Variants in ZNF565 observed in about 807,000 individuals in gnomAD.
ZNF565 encodes the protein zinc finger protein 565.
In ZNF565, 27 loss-of-function variants were observed where a neutral mutation model predicts 39.4. The ratio of observed to expected loss-of-function variants is 0.69; its 90% CI spans 0.51 to 0.95. The LOEUF (loss-of-function observed/expected upper bound fraction) is 0.95. Ranked by LOEUF, ZNF565 falls within the 40% of genes least tolerant of loss-of-function variation. The pLI is 0.00. For synonymous variants in ZNF565, 185 were observed against 216.6 expected (o/e 0.85, Z 1.28); for missense variants, 524 against 621.1 (o/e 0.84, Z 1.66).
In ZNF565 at chr19:36,245,836, T is replaced by C. The variant is rs2029895923; in HGVS notation, c.-306A>G. 2 of 352,064 alleles carry C rather than the reference T, an allele frequency of 5.7e-6. No homozygotes were observed. Among genetic ancestry groups the C allele is most frequent in the Non-Finnish European group, 1.0e-5 (2 of 193,384 alleles). 21.8% of individuals were successfully genotyped at this position (352,064 alleles called of 1,614,324 possible). On this transcript the variant is annotated 5_prime_UTR_variant, in exon 1 of 5. Transcript: ENST00000355114. The surrounding 1 kb of genome is among the most constrained non-coding windows in gnomAD (Gnocchi z 4.4). ...CTTCGCCCAGCTGCGGGCCTCGGGC[T>C]ACTGGATCCGCTGTCTCGGTTTGGG...
chr19:36,238,359 T>C (rs1046071204), intron 1 of ZNF565: 2 of 167,106 alleles, frequency 1.2e-5, no homozygotes, highest in African/African-American at 2.4e-5. Context: ...GACCAAACTC[T>C]TGATAGTGGT....
At chr19:36,233,916 G>GGTGTCGGACTGGGGGAC (rs376607392) in intron 1 of ZNF565, among the ~76,000 whole-genome samples, 4,174 of 152,130 alleles carry the variant, frequency 0.027, 162 homozygotes, top group African/African-American at 0.094. Context: ...ACCCTTTACG[G>GGTGTCGGACTGGGGGAC]GTGTCGGACT....
Position 36,194,798 on chromosome 19 carries a change from G to A in ZNF565, c.136+232C>T, listed in dbSNP as rs572692831. 3.3e-5 allele frequency: 21 copies of A among 638,676 alleles called. No individual in the cohort carries two copies. In the African/African-American group the frequency reaches 3.4e-4, roughly 10 times the overall value. The allele number at this position is 638,676 out of a possible 1,614,324, so 39.6% of individuals were successfully genotyped here. On this transcript the variant is annotated intron_variant, in intron 3 of 4. Transcript: ENST00000304116. The stretch of plus-strand genomic sequence containing the variant: ...TCAGCTGGAGATCAGTGGACAGGAG[G>A]AGAGAGAGCACCAGGCATTTCTTAC...
intron 4 of ZNF565, among the ~76,000 whole-genome samples, chr19:36,189,591 G>A (rs1292656538): frequency 6.6e-6 from 1 of 151,758 alleles, no homozygotes; most frequent in African/African-American, 2.4e-5. Context: ...CAAAGTGCTG[G>A]GATTACAGGC....
intron 1 of ZNF565, among the ~76,000 whole-genome samples, chr19:36,211,488 A>ACAC (rs1568423884): frequency 7.2e-4 from 80 of 111,840 alleles, no homozygotes; most frequent in African/African-American, 2.5e-3. Context: ...CACACACACA[A>ACAC]TTCTAATTAA....
chr19:36,198,473 G>A (rs1213949054), intron 2 of ZNF565, among the ~76,000 whole-genome samples: 1 of 152,122 alleles, frequency 6.6e-6, no homozygotes, highest in Non-Finnish European at 1.5e-5. Flanking sequence ...GATGATTACT[G>A]AAGGCTGGGA....
At chr19:36,223,819 T>G (rs115988914) in intron 1 of ZNF565, among the ~76,000 whole-genome samples, 2,212 of 151,970 alleles carry the variant, frequency 0.015, 50 homozygotes, top group African/African-American at 0.05. Context: ...TGATCACAGC[T>G]GACTGCAGCC....
chr19:36,182,392 A>C lies in ZNF565; in HGVS notation c.*74T>G. 7.5e-7 allele frequency: 1 copy of C among 1,330,836 alleles called. No homozygotes were observed. The highest frequency in any genetic ancestry group is 1.8e-5 in the South Asian group (1 of 55,840). 82.4% of individuals were successfully genotyped at this position (1,330,836 alleles called of 1,614,324 possible). A position where few individuals can be genotyped will look rare whatever the true frequency, so the allele number is the denominator to read the frequency against. On this transcript the variant is annotated 3_prime_UTR_variant, in exon 5 of 5. Coordinates refer to ENST00000304116, the MANE Select transcript of ZNF565 (RefSeq NM_152477.5). The stretch of plus-strand genomic sequence containing the variant: ...TTTCTGACATTAATTACACTACATT[A>C]AAAATTACCTAGTACTGAGCCAGAT...
intron 2 of ZNF565, among the ~76,000 whole-genome samples, chr19:36,197,363 T>C (rs373207292): frequency 6.6e-6 from 1 of 151,912 alleles, no homozygotes; most frequent in East Asian, 1.9e-4. Flanking sequence ...TCCCAGCTAC[T>C]AGGGAGGCTG....
At chr19:36,227,261 T>C (rs1043739490) in intron 1 of ZNF565, among the ~76,000 whole-genome samples, 4 of 151,298 alleles carry the variant, frequency 2.6e-5, no homozygotes, top group Non-Finnish European at 5.9e-5. Flanking sequence ...TAGTGGCGCA[T>C]GCCTGTAATC....
intron 1 of ZNF565, among the ~76,000 whole-genome samples, chr19:36,211,685 C>T (rs1034038835): frequency 1.4e-4 from 21 of 145,956 alleles, no homozygotes; most frequent in African/African-American, 3.0e-4. Context: ...CCCAACTACT[C>T]GGGAGGCTGA....
chr19:36,187,321 T>A (rs1217035263), intron 4 of ZNF565, among the ~76,000 whole-genome samples: 1 of 151,938 alleles, frequency 6.6e-6, no homozygotes, highest in Non-Finnish European at 1.5e-5. Flanking sequence ...CCTAATAGCC[T>A]CCTAATATAT....
intron 4 of ZNF565, among the ~76,000 whole-genome samples, chr19:36,187,017 CCT>C (rs1975325724): frequency 6.6e-6 from 1 of 151,868 alleles, no homozygotes; most frequent in Non-Finnish European, 1.5e-5. Flanking sequence ...ATGGAGAAAC[CCT>C]GTCTCTATTA....
At chr19:36,193,775 G>A (rs1975660327) in intron 4 of ZNF565, among the ~76,000 whole-genome samples, 1 of 152,006 alleles carries the variant, frequency 6.6e-6, no homozygotes, top group Admixed American at 6.6e-5. Flanking sequence ...GAAGACACTT[G>A]TAGAAAAAAG....
intron 1 of ZNF565, among the ~76,000 whole-genome samples, chr19:36,204,334 AG>A (rs1304897006): frequency 6.6e-6 from 1 of 152,226 alleles, no homozygotes; most frequent in Non-Finnish European, 1.5e-5. Flanking sequence ...CTGAAACCTC[AG>A]GGAAGTTTAA....
upstream of ZNF565, among the ~76,000 whole-genome samples, chr19:36,217,116 G>T (rs1202534155): frequency 7.7e-6 from 1 of 129,682 alleles, no homozygotes; most frequent in African/African-American, 3.0e-5. Flanking sequence ...AGTCTAGAGT[G>T]CAGTGGCCCA....
At chr19:36,190,406 G>A (rs1244529539) in intron 4 of ZNF565, among the ~76,000 whole-genome samples, 2 of 151,164 alleles carry the variant, frequency 1.3e-5, no homozygotes, top group African/African-American at 2.4e-5. Context: ...GAGAAACCCC[G>A]CCTCTACTAA....
intron 2 of ZNF565, among the ~76,000 whole-genome samples, chr19:36,199,547 G>A (rs976699044): frequency 1.5e-5 from 2 of 132,198 alleles, no homozygotes; most frequent in Non-Finnish European, 3.1e-5. Flanking sequence ...TAAGTCTGTC[G>A]CCCAGGCTGC....
At chr19:36,236,270 T>C in intron 1 of ZNF565, 1 of 784,060 alleles carries the variant, frequency 1.3e-6, no homozygotes, top group Non-Finnish European at 1.9e-6. Context: ...CTGAGTATGA[T>C]AACATTTCCT....
Sources: gnomAD v4.1 joint callset for allele counts (sites outside exome capture counted in the v4.1 genomes callset) on GRCh38, gnomAD v4.1.1 for gene constraint, Gnocchi (gnomAD v3.1) non-coding constraint, MANE v1.5 for transcripts, NCBI Gene and HGNC (gene_info 2026-07-23, HGNC 2026-07-21) for gene names.